Variants in PCDHGB5 observed in about 807,000 individuals in gnomAD.
The protein encoded by PCDHGB5 is protocadherin gamma-B5.
PCDHGB5 carries 48 observed loss-of-function variants against 62.9 expected under a neutral mutation model. The observed-to-expected ratio is 0.76, with a 90% confidence interval of 0.61 to 0.97. The LOEUF (loss-of-function observed/expected upper bound fraction) is 0.97. Ranked by LOEUF, PCDHGB5 falls within the 50% of genes least tolerant of loss-of-function variation. The probability of loss-of-function intolerance (pLI) is 0.00; values close to 1 mark genes in which losing one functional copy is unlikely to be tolerated. For synonymous variants in PCDHGB5, 474 were observed against 511.2 expected (o/e 0.93, Z 0.98); for missense variants, 1,118 against 1,198.6 (o/e 0.93, Z 0.99).
At position 141,486,931 on chromosome 5, in the gene PCDHGB5, T is replaced by C. The variant is rs201042803; in HGVS notation, c.2398-7876T>C. 2 of 1,614,258 alleles carry C rather than the reference T, an allele frequency of 1.2e-6. No homozygotes were observed. Among genetic ancestry groups the C allele is most frequent in the East Asian group, 2.2e-5 (1 of 44,876 alleles). ...AAGCACTGCCTCCATCAGTTGGTGC[T>C]GGCCACCTAATCACAAAGGTGACTG... On this transcript the variant is annotated intron_variant, in intron 1 of 3. Coordinates refer to ENST00000617380, the MANE Select transcript of PCDHGB5 (RefSeq NM_018925.3). This position sits in a 1 kb window ranked among gnomAD's most constrained non-coding sequence, Gnocchi z 5.0.
intron 1 of PCDHGB5, among the ~76,000 whole-genome samples, chr5:141,434,245 T>G (rs921135977): frequency 3.3e-5 from 5 of 152,224 alleles, no homozygotes; most frequent in African/African-American, 1.2e-4. Context: ...CTAGATGACT[T>G]GGGCATTGTG....
At chr5:141,505,852 G>A (rs2099848673) in intron 3 of PCDHGB5, among the ~76,000 whole-genome samples, 1 of 152,140 alleles carries the variant, frequency 6.6e-6, no homozygotes, top group African/African-American at 2.4e-5. Context: ...TAGAAAGTGG[G>A]GACAGGGACC....
intron 2 of PCDHGB5, among the ~76,000 whole-genome samples, chr5:141,497,332 A>G (rs537994715): frequency 6.6e-6 from 1 of 152,024 alleles, no homozygotes; most frequent in Non-Finnish European, 1.5e-5. Context: ...AGAATTCACC[A>G]TTGAACCTGG....
At chr5:141,433,220 T>C (rs781745522) in intron 1 of PCDHGB5, 1 of 1,509,734 alleles carries the variant, frequency 6.6e-7, no homozygotes, top group South Asian at 1.2e-5. Flanking sequence ...TTTTTTTTTT[T>C]AATTGCTCTG....
At chr5:141,427,422 G>C (rs922637577) in intron 1 of PCDHGB5, 1 of 468,292 alleles carries the variant, frequency 2.1e-6, no homozygotes, top group Non-Finnish European at 4.3e-6. Context: ...AAATGGGGAG[G>C]TTACATGCCT....
At position 141,476,786 on chromosome 5, in the gene PCDHGB5, C is replaced by G. The variant is rs2099398607; in HGVS notation, c.2398-18021C>G. 3.1e-6 allele frequency: 5 copies of G among 1,613,444 alleles called. No individual in the cohort carries two copies. The highest frequency in any genetic ancestry group is 1.7e-5 in the Admixed American group (1 of 60,000). ...GGCGTTGGACGGAGGGACCCCAGCTCTCTCCGCCAGCCTGCCTATTCACAT... is the reference window on the plus strand; with the variant it reads ...GGCGTTGGACGGAGGGACCCCAGCTGTCTCCGCCAGCCTGCCTATTCACAT... On this transcript the variant is annotated intron_variant, in intron 1 of 3. Coordinates refer to ENST00000617380, the MANE Select transcript of PCDHGB5 (RefSeq NM_018925.3). The surrounding 1 kb of genome is among the most constrained non-coding windows in gnomAD (Gnocchi z 7.6).
rs1217371004 is a variant in PCDHGB5 at position 141,399,720 on chromosome 5, C to G, written c.1593C>G (p.Arg531=). The G allele has an allele frequency of 1.2e-6, 2 of 1,613,306 alleles. No homozygotes were observed. The highest frequency in any genetic ancestry group is 2.2e-5 in the South Asian group (2 of 91,058). ...CCTTCGAACTCACACTACAGGCCCG[C>G]GACCAGGGCTCGCCTGCGCTCAGCG... The part of the protein sequence containing the change: ...LRTFELTLQA[R]DQGSPALSAN... Residue 531 remains arginine, a synonymous_variant, in exon 1 of 4, where the codon CGC becomes CGG. Coordinates refer to ENST00000617380, the MANE Select transcript of PCDHGB5 (RefSeq NM_018925.3).
At chr5:141,468,154 G>A (rs1374898668) in intron 1 of PCDHGB5, among the ~76,000 whole-genome samples, 2 of 151,838 alleles carry the variant, frequency 1.3e-5, no homozygotes, top group African/African-American at 2.4e-5. Flanking sequence ...GTGAAACCCT[G>A]TCTCTGCTAA....
chr5:141,442,796 T>G (rs909745554), intron 1 of PCDHGB5, among the ~76,000 whole-genome samples: 16 of 152,326 alleles, frequency 1.1e-4, no homozygotes, highest in African/African-American at 3.8e-4. Context: ...AATTTTACTT[T>G]GATATTCAAA....
At chr5:141,453,311 A>C (rs2098762053) in intron 1 of PCDHGB5, among the ~76,000 whole-genome samples, 1 of 151,602 alleles carries the variant, frequency 6.6e-6, no homozygotes, top group African/African-American at 2.4e-5. Flanking sequence ...TTATTTATTT[A>C]TTTTAGAGAT....
intron 1 of PCDHGB5, chr5:141,413,736 G>C: frequency 6.2e-7 from 1 of 1,613,452 alleles, no homozygotes; most frequent in South Asian, 1.1e-5. Context: ...TAAGAGTTCA[G>C]AGCCGTGCCA....
intron 1 of PCDHGB5, chr5:141,416,686 T>C (rs1341005031): frequency 6.6e-6 from 1 of 152,244 alleles, no homozygotes; most frequent in African/African-American, 2.4e-5. Flanking sequence ...AGGGAAATTA[T>C]ATAAACAAAG....
chr5:141,501,300 C>T (rs867143352), intron 2 of PCDHGB5, among the ~76,000 whole-genome samples: 2,626 of 150,646 alleles, frequency 0.017, 74 homozygotes, highest in African/African-American at 0.06. Context: ...TACACACACA[C>T]ACACACACAC....
chr5:141,478,186 C>T, intron 1 of PCDHGB5: 2 of 1,614,016 alleles, frequency 1.2e-6, no homozygotes, highest in Non-Finnish European at 1.7e-6. Context: ...AAAAAAATCT[C>T]ACCTTTTATC....
Position 141,426,915 on chromosome 5 carries a change from G to A in PCDHGB5, c.2397+26391G>A, listed in dbSNP as rs143411146. On this transcript the variant is annotated intron_variant, in intron 1 of 3. Coordinates refer to ENST00000617380, the MANE Select transcript of PCDHGB5 (RefSeq NM_018925.3). ...ACAGAGCTCTCATCTCCTGGTCCTG[G>A]AAGCAATGGACATGGGTGACCCAGT... 1,737 of 456,738 alleles carry A rather than the reference G, an allele frequency of 3.8e-3. 17 individuals carry two copies. Among genetic ancestry groups the A allele is most frequent in the Admixed American group, 0.01 (426 of 42,586 alleles). The allele number at this position is 456,738 out of a possible 1,614,324, so 28.3% of individuals were successfully genotyped here.
rs1006867896 is a variant in PCDHGB5 at position 141,399,624 on chromosome 5, T to C, written c.1497T>C (p.Ser499=). 9 of 1,613,898 alleles carry C rather than the reference T, an allele frequency of 5.6e-6. No individual in the cohort carries two copies. The highest frequency in any genetic ancestry group is 4.0e-5 in the African/African-American group (3 of 75,080). ...ACCTAGAGCCTCTGGCACTGGCCTC[T>C]TACGTGTCCATGAGCGCGCAAAGTG... is the stretch of plus-strand genomic sequence containing the variant. ...ASDLEPLALA[S]YVSMSAQSGV... The change falls in exon 1 of 4, where the codon TCT becomes TCC. Residue 499 remains serine (S), a synonymous_variant. Coordinates refer to ENST00000617380, the MANE Select transcript of PCDHGB5 (RefSeq NM_018925.3).
intron 1 of PCDHGB5, among the ~76,000 whole-genome samples, chr5:141,481,749 C>G (rs958851030): frequency 7.9e-5 from 12 of 151,976 alleles, no homozygotes; most frequent in African/African-American, 2.9e-4. Context: ...GTCAGGAGTC[C>G]AAGACCAGCC....
At chr5:141,501,290 TACAC>T (rs55762287) in intron 2 of PCDHGB5, among the ~76,000 whole-genome samples, 45,565 of 135,778 alleles carry the variant, frequency 0.34, 7,845 homozygotes, top group Non-Finnish European at 0.42. Flanking sequence ...TATTCCCTTA[TACAC>T]ACACACACAC....
chr5:141,403,533 T>G (rs1307203985), intron 1 of PCDHGB5: 2 of 1,613,992 alleles, frequency 1.2e-6, no homozygotes, highest in African/African-American at 2.7e-5. Flanking sequence ...AACCCAGAGC[T>G]GGTGCTGGAG....
Sources: gnomAD v4.1 joint callset for allele counts (sites outside exome capture counted in the v4.1 genomes callset) on GRCh38, gnomAD v4.1.1 for gene constraint, Gnocchi (gnomAD v3.1) non-coding constraint, MANE v1.5 for transcripts, NCBI Gene and HGNC (gene_info 2026-07-23, HGNC 2026-07-21) for gene names.